NOB1: variants seen among roughly 807,000 people sequenced by gnomAD.
NOB1 encodes NIN1 (RPN12) binding protein 1 homolog, also known as RNA-binding protein NOB1.
Under a neutral mutation model 44.8 loss-of-function variants are expected in NOB1, and 44 were observed. The observed-to-expected ratio is 0.98, with a 90% CI of 0.77 to 1.26. The LOEUF (loss-of-function observed/expected upper bound fraction) is 1.26, where lower values mean the gene tolerates loss of function less well. NOB1 is among the 50% of genes most tolerant of loss of function. NOB1 has a pLI of 0.00. For synonymous variants in NOB1, 238 were observed against 218.7 expected, an observed-to-expected ratio of 1.09 and a Z score of -0.78; for missense variants, 560 against 544.8, an observed-to-expected ratio of 1.03 and a Z score of -0.28.
chr16:69,743,510 C>T (rs139166427), intron 8 of NOB1, among the ~76,000 whole-genome samples: 1 of 152,286 alleles, frequency 6.6e-6, no homozygotes, highest in Non-Finnish European at 1.5e-5. Flanking sequence ...CCCACTGAAA[C>T]GAAGTCCTGA....
Position 69,754,920 on chromosome 16 carries a change from G to T in NOB1, c.-10C>A. 1 of 1,573,456 alleles carries T rather than the reference G, an allele frequency of 6.4e-7. No individual in the cohort carries two copies. Among genetic ancestry groups the T allele is most frequent in the Non-Finnish European group, 8.6e-7 (1 of 1,161,120 alleles). Reference sequence around the variant, plus strand: ...GCTCCACTGGAGCCATGTTGGCTGCGTGAGAGGGGAGCGCGCATGCGCACG... The same window carrying T: ...GCTCCACTGGAGCCATGTTGGCTGCTTGAGAGGGGAGCGCGCATGCGCACG... On this transcript the variant is annotated 5_prime_UTR_variant, in exon 1 of 9. Transcript: ENST00000268802.
In NOB1 at chr16:69,752,357, T is replaced by C; in HGVS notation, c.211A>G (p.Lys71Glu). The C allele has an allele frequency of 6.2e-7, 1 of 1,613,124 alleles. No homozygotes were observed. Among genetic ancestry groups the C allele is most frequent in the Non-Finnish European group, 8.5e-7 (1 of 1,179,106 alleles). ...AGGCTGGGGTAGTCTCCTGTTTTCTTTGAAAACTCAGTCACTGTAAACAAC... is the reference window on the plus strand; with the variant it reads ...AGGCTGGGGTAGTCTCCTGTTTTCTCTGAAAACTCAGTCACTGTAAACAAC... ...EYVRLVTEFS[K>E]KTGDYPSLSA... is the part of the protein sequence containing the mutation. The change falls in exon 3 of 9, where the codon AAG becomes GAG. Residue 71 changes from lysine (K) to glutamate (E), a missense_variant. By Grantham distance (56) the Lys-to-Glu change is moderately conservative. Coordinates refer to ENST00000268802, the MANE Select transcript of NOB1 (RefSeq NM_014062.3).
chr16:69,747,476 A>G (rs146079737), intron 7 of NOB1, among the ~76,000 whole-genome samples: 17 of 152,264 alleles, frequency 1.1e-4, no homozygotes, highest in Admixed American at 5.9e-4. Flanking sequence ...TTCTTTTTGT[A>G]AACAGAAAAT....
chr16:69,743,654 A>T (rs1177277508), intron 8 of NOB1, among the ~76,000 whole-genome samples: 1 of 26,914 alleles, frequency 3.7e-5, no homozygotes, highest in Non-Finnish European at 1.3e-4. Flanking sequence ...CATACTCTTC[A>T]AAAGTGTCAA....
intron 2 of NOB1, 119 bp downstream of exon 2, chr16:69,754,475 A>C (rs532623899): frequency 7.3e-7 from 1 of 1,364,094 alleles, no homozygotes; most frequent in East Asian, 2.3e-5. Context: ...TCTCCTAGAA[A>C]GTGCTGGCTC....
intron 3 of NOB1, 31 bp from the exon 4 acceptor site, chr16:69,749,661 G>T: frequency 2.0e-6 from 3 of 1,529,912 alleles, no homozygotes; most frequent in Middle Eastern, 1.7e-4. Flanking sequence ...TATACCTCTT[G>T]TTATCAAAAT....
In NOB1 at chr16:69,742,548, G is replaced by A. The variant is rs183924846; in HGVS notation, c.1023C>T (p.Thr341=). The change falls in exon 9 of 9, where the codon ACC becomes ACT. Residue 341 remains threonine (T), a synonymous_variant. Transcript: ENST00000268802. The part of the protein sequence containing the change: ...GGKYAINPHL[T]EDQRFPQLRL... The stretch of plus-strand genomic sequence containing the variant: ...GCAGCTGAGGGAAGCGCTGATCCTC[G>A]GTGAGATGGGGGTTGATGGCGTATT... The A allele has an allele frequency of 5.3e-5, 86 of 1,614,104 alleles. No homozygotes were observed. The highest frequency in any genetic ancestry group is 2.8e-4 in the Admixed American group (17 of 59,994).
chr16:69,749,034 C>T lies in NOB1; in HGVS notation c.610G>A (p.Asp204Asn), dbSNP rs569301973. The T allele has an allele frequency of 3.7e-6, 6 of 1,614,254 alleles. No individual in the cohort carries two copies. The highest frequency in any genetic ancestry group is 1.3e-5 in the African/African-American group (1 of 75,072). Residue 204 changes from aspartate (D) to asparagine (N), a missense_variant, in exon 6 of 9, where the codon GAC becomes AAC. By Grantham distance (23) the Asp-to-Asn change is conservative. Transcript: ENST00000268802. Reference sequence around the variant, plus strand: ...CTGGGGGTTATCCAGCCACCCCCGTCGTCATCGCTGTCATCTTTTCTGTCT... The same window carrying T: ...CTGGGGGTTATCCAGCCACCCCCGTTGTCATCGCTGTCATCTTTTCTGTCT... Reference protein sequence around the residue: ...FEDRKDDSDDDGGGWITPSNI... With the variant: ...FEDRKDDSDDNGGGWITPSNI...
chr16:69,742,408 C>G lies in NOB1; in HGVS notation c.1163G>C (p.Arg388Pro). 6.2e-7 allele frequency: 1 copy of G among 1,614,218 alleles called. No homozygotes were observed. ...ISSRSATLQV[R>P]DSTLGAGRRR... ...CCGCCCAGCTCCCAAGGTGCTGTCC[C>G]GGACCTGCAGGGTAGCTGAGCGGCT... Residue 388 changes from arginine (R) to proline (P), a missense_variant, in exon 9 of 9, where the codon CGG becomes CCG. Physicochemically the swap from Arg to Pro is moderately radical, Grantham distance 103 (BLOSUM62 -2). Transcript: ENST00000268802.
chr16:69,754,331 C>T (rs181594507), intron 2 of NOB1, among the ~76,000 whole-genome samples: 202 of 152,312 alleles, frequency 1.3e-3, no homozygotes, highest in Admixed American at 0.012. Flanking sequence ...TCACAGCAAC[C>T]TTGGAGACAG....
intron 3 of NOB1, among the ~76,000 whole-genome samples, chr16:69,750,047 G>A (rs1323063333): frequency 6.9e-6 from 1 of 145,834 alleles, no homozygotes; most frequent in Non-Finnish European, 1.5e-5. Context: ...CACCCAGGCC[G>A]GAGGGGAGTG....
At chr16:69,748,844 T>C (rs1382769446) in intron 6 of NOB1, 74 bp downstream of exon 6, 1 of 1,316,714 alleles carries the variant, frequency 7.6e-7, no homozygotes, top group South Asian at 1.5e-5. Context: ...ACCAGTTCCG[T>C]GTACATCTGT....
rs150350919 is a variant in NOB1 at position 69,754,757 on chromosome 16, C to A, written c.64-31G>T. 1,958 of 1,613,662 alleles carry A rather than the reference C, an allele frequency of 1.2e-3. 12 individuals carry two copies. In the African/African-American group the frequency reaches 0.022, roughly 18 times the overall value. On this transcript the variant is annotated intron_variant, in intron 1 of 8. Transcript: ENST00000268802. ...GACAGAACGCCCCAGCTCAGACCCACCCGCACCAAGCAACGCTCCGCGCGA... is the reference window on the plus strand; with the variant it reads ...GACAGAACGCCCCAGCTCAGACCCAACCGCACCAAGCAACGCTCCGCGCGA...
At chr16:69,750,558 T>C (rs901009539) in intron 3 of NOB1, among the ~76,000 whole-genome samples, 4 of 152,130 alleles carry the variant, frequency 2.6e-5, no homozygotes, top group African/African-American at 9.7e-5. Flanking sequence ...GCTCAGGAGT[T>C]TGATGCTGCA....
Position 69,742,388 on chromosome 16 carries a change from C to A in NOB1, c.1183G>T (p.Gly395Trp). The A allele has an allele frequency of 6.2e-7, 1 of 1,614,158 alleles. No individual in the cohort carries two copies. The change falls in exon 9 of 9, where the codon GGG becomes TGG. Residue 395 changes from glycine to tryptophan, a missense_variant. Gly to Trp is a radical substitution (Grantham distance 184). Coordinates refer to ENST00000268802, the MANE Select transcript of NOB1 (RefSeq NM_014062.3). ...LQVRDSTLGA[G>W]RRRLNPNASR... ...GCGTTGGGATTTAAGCGTCTCCGCCCAGCTCCCAAGGTGCTGTCCCGGACC... is the reference window on the plus strand; with the variant it reads ...GCGTTGGGATTTAAGCGTCTCCGCCAAGCTCCCAAGGTGCTGTCCCGGACC...
intron 6 of NOB1, 102 bp from the exon 7 acceptor site, chr16:69,748,431 G>T: frequency 9.1e-7 from 1 of 1,094,458 alleles, no homozygotes; most frequent in Non-Finnish European, 1.3e-6. Context: ...CATATTCCTT[G>T]GCTTTTGCGA....
Position 69,748,345 on chromosome 16 carries a change from A to G in NOB1, c.727-16T>C. 1 of 1,604,810 alleles carries G rather than the reference A, an allele frequency of 6.2e-7. No homozygotes were observed. ...GCAGAACATTCTACAACCACAAGTT[A>G]AAGAAGAAATCAATTTTCTTTTCAC... is the stretch of plus-strand genomic sequence containing the variant. On this transcript the variant is annotated splice_polypyrimidine_tract_variant and intron_variant, in intron 6 of 8. Transcript: ENST00000268802.
chr16:69,750,404 G>T (rs932678916), intron 3 of NOB1, among the ~76,000 whole-genome samples: 4 of 152,212 alleles, frequency 2.6e-5, no homozygotes, highest in African/African-American at 7.2e-5. Flanking sequence ...GAGGTAGGAG[G>T]ATTGTTTTGG....
chr16:69,746,769 T>C (rs2038434757), intron 7 of NOB1, among the ~76,000 whole-genome samples: 1 of 151,948 alleles, frequency 6.6e-6, no homozygotes, highest in Non-Finnish European at 1.5e-5. Flanking sequence ...TAGCCAGATG[T>C]GGTGGCGGGT....
Sources: allele counts gnomAD v4.1 joint callset (sites outside exome capture counted in the v4.1 genomes callset), GRCh38; gene constraint gnomAD v4.1.1; transcripts MANE v1.5; gene names NCBI Gene and HGNC (gene_info 2026-07-23, HGNC 2026-07-21).